Variants in MGAT4C observed in about 807,000 individuals in gnomAD.
MGAT4C encodes the protein alpha-1,3-mannosyl-glycoprotein 4-beta-N-acetylglucosaminyltransferase C.
MGAT4C carries 19 observed loss-of-function variants against 40.1 expected under a neutral mutation model. The observed-to-expected ratio is 0.47, with a 90% CI of 0.33 to 0.70. The LOEUF (loss-of-function observed/expected upper bound fraction) is 0.70. MGAT4C is among the 30% of genes least tolerant of loss of function. The pLI is 0.02. For synonymous variants in MGAT4C, 181 were observed against 187.1 expected (o/e 0.97, Z 0.27); for missense variants, 491 against 563.2 (o/e 0.87, Z 1.30).
At chr12:86,284,500 CA>C in intron 4 of MGAT4C, among the ~76,000 whole-genome samples, 1 of 151,856 alleles carries the variant, frequency 6.6e-6, no homozygotes, top group East Asian at 1.9e-4. Context: ...AAAAAATACC[CA>C]AAAAACAAAT....
intron 2 of MGAT4C, among the ~76,000 whole-genome samples, chr12:86,603,785 A>ATATAGT (rs1961934774): frequency 3.6e-5 from 1 of 27,668 alleles, no homozygotes; most frequent in Non-Finnish European, 1.1e-4. Flanking sequence ...TATACTATAT[A>ATATAGT]ATATATAGTA....
chr12:85,988,682 A>G (rs763729257), intron 3 of MGAT4C, among the ~76,000 whole-genome samples: 17 of 152,164 alleles, frequency 1.1e-4, no homozygotes, highest in Non-Finnish European at 7.4e-5. Context: ...TGATGTGATG[A>G]TAACAATAAG....
intron 1 of MGAT4C, among the ~76,000 whole-genome samples, chr12:86,065,752 A>G (rs955333385): frequency 5.3e-5 from 8 of 152,178 alleles, no homozygotes; most frequent in African/African-American, 1.9e-4. Context: ...TCAATTAGGA[A>G]AAGAGGAGGT....
chr12:86,273,504 C>T (rs1480603886), intron 4 of MGAT4C, among the ~76,000 whole-genome samples: 1 of 152,014 alleles, frequency 6.6e-6, no homozygotes, highest in East Asian at 1.9e-4. Flanking sequence ...CAAATATATA[C>T]AGGAAGCATG....
At chr12:86,517,605 G>A (rs1053064945) in intron 2 of MGAT4C, among the ~76,000 whole-genome samples, 1 of 152,028 alleles carries the variant, frequency 6.6e-6, no homozygotes, top group African/African-American at 2.4e-5. Flanking sequence ...TGAGAGCAGA[G>A]CAAAGTGACT....
intron 1 of MGAT4C, among the ~76,000 whole-genome samples, chr12:86,203,597 C>T (rs1009954132): frequency 3.3e-5 from 5 of 152,002 alleles, no homozygotes; most frequent in African/African-American, 1.2e-4. Flanking sequence ...AATATGTTAC[C>T]AGACAAAATG....
chr12:86,514,339 T>C (rs1958646989), intron 2 of MGAT4C, among the ~76,000 whole-genome samples: 1 of 152,136 alleles, frequency 6.6e-6, no homozygotes, highest in Non-Finnish European at 1.5e-5. Context: ...ACTGCTTTAA[T>C]TTAAAAAATG....
intron 1 of MGAT4C, among the ~76,000 whole-genome samples, chr12:86,819,542 G>A (rs1952669888): frequency 6.6e-6 from 1 of 150,924 alleles, no homozygotes; most frequent in South Asian, 2.1e-4. Flanking sequence ...TGAAAAATAT[G>A]TACTGTGGTC....
chr12:86,508,628 C>A lies in MGAT4C; in HGVS notation c.-228-73363G>T, dbSNP rs376262140. The stretch of plus-strand genomic sequence containing the variant: ...TTCTAGTTCTAGATCCCTGAGGAAT[C>A]GCCACACCGACCTTCACAATGGTTG... On this transcript the variant is annotated intron_variant, in intron 2 of 7. Transcript: ENST00000548651. 2.0e-4 allele frequency among the ~76,000 whole-genome samples: 31 copies of A among 151,878 alleles called. No homozygotes were observed. In the East Asian group the frequency reaches 6.0e-3, roughly 30 times the overall value.
intron 2 of MGAT4C, among the ~76,000 whole-genome samples, chr12:86,558,867 T>C (rs1680653596): frequency 6.6e-6 from 1 of 151,920 alleles, no homozygotes; most frequent in Non-Finnish European, 1.5e-5. Context: ...TAATTCTCAT[T>C]TATCAGTAAT....
At chr12:86,408,473 C>CTATATATA (rs1210910694) in intron 3 of MGAT4C, among the ~76,000 whole-genome samples, 3 of 108,136 alleles carry the variant, frequency 2.8e-5, no homozygotes, top group East Asian at 5.9e-4. Flanking sequence ...CTCTCTCTCT[C>CTATATATA]TCTCTCTATA....
chr12:86,217,439 G>A (rs2135977472), intron 1 of MGAT4C, among the ~76,000 whole-genome samples: 1 of 152,232 alleles, frequency 6.6e-6, no homozygotes, highest in African/African-American at 2.4e-5. Flanking sequence ...ACCTCCCAAA[G>A]TGTCCCCTCT....
At chr12:86,472,881 G>A (rs1957775683) in intron 2 of MGAT4C, among the ~76,000 whole-genome samples, 1 of 152,172 alleles carries the variant, frequency 6.6e-6, no homozygotes, top group Non-Finnish European at 1.5e-5. Flanking sequence ...CAGGAAGAAT[G>A]TCTTATTGTT....
At chr12:86,175,704 C>A (rs573452128) in intron 1 of MGAT4C, among the ~76,000 whole-genome samples, 5 of 148,136 alleles carry the variant, frequency 3.4e-5, no homozygotes, top group South Asian at 4.2e-4. Context: ...GTAATCCCAG[C>A]ACTTTGGGAG....
chr12:86,660,546 A>T (rs1963956552), intron 2 of MGAT4C, among the ~76,000 whole-genome samples: 1 of 152,206 alleles, frequency 6.6e-6, no homozygotes, highest in South Asian at 2.1e-4. Context: ...ACAGATTTTT[A>T]AATTTTCTAC....
chr12:86,277,220 C>A (rs1157571476), intron 4 of MGAT4C, among the ~76,000 whole-genome samples: 1 of 152,044 alleles, frequency 6.6e-6, no homozygotes, highest in African/African-American at 2.4e-5. Context: ...TGTATGTCTC[C>A]TCTTGAGAAA....
intron 2 of MGAT4C, among the ~76,000 whole-genome samples, chr12:86,464,207 A>C (rs762146870): frequency 6.6e-6 from 1 of 152,026 alleles, no homozygotes; most frequent in Non-Finnish European, 1.5e-5. Flanking sequence ...TAATTTGGAG[A>C]ATATGGGGCA....
intron 3 of MGAT4C, among the ~76,000 whole-genome samples, chr12:86,344,821 A>G (rs978970550): frequency 6.6e-6 from 1 of 151,774 alleles, no homozygotes; most frequent in South Asian, 2.1e-4. Flanking sequence ...ATTTCTCTAG[A>G]GGAAGCTGTT....
At chr12:86,528,571 T>C (rs981142144) in intron 2 of MGAT4C, among the ~76,000 whole-genome samples, 6 of 152,064 alleles carry the variant, frequency 3.9e-5, no homozygotes, top group Admixed American at 3.9e-4. Context: ...ATTAAAGTGT[T>C]GTATATTTTG....
Sources: allele counts gnomAD v4.1 joint callset (sites outside exome capture counted in the v4.1 genomes callset), GRCh38; gene constraint gnomAD v4.1.1; transcripts MANE v1.5; gene names NCBI Gene and HGNC (gene_info 2026-07-23, HGNC 2026-07-21).